Variants in GSS observed in about 807,000 individuals in gnomAD.
The protein encoded by GSS is GSH synthetase.
A neutral mutation model predicts 60.4 loss-of-function variants in GSS; 34 were observed. That is an observed-to-expected ratio of 0.56 (90% confidence interval 0.43 to 0.75). The LOEUF (loss-of-function observed/expected upper bound fraction) is 0.75. GSS is among the 30% of genes least tolerant of loss of function. GSS has a pLI of 0.00. For missense variants in GSS, 499 were observed against 595.1 expected (o/e 0.84, Z 1.68); for synonymous variants, 224 against 239.0 (o/e 0.94, Z 0.58).
rs1713494046 is a variant in GSS, at chr20:34,942,575, T to C, written c.404A>G (p.Asp135Gly). The C allele has an allele frequency of 1.2e-6, 2 of 1,613,962 alleles. No homozygotes were observed. The highest frequency in any genetic ancestry group is 8.5e-7 in the Non-Finnish European group (1 of 1,179,848). The change falls in exon 5 of 13, where the codon GAT becomes GGT. Residue 135 changes from aspartate to glycine, a missense_variant. Coordinates refer to ENST00000651619, the MANE Select transcript of GSS (RefSeq NM_000178.4). Reference sequence around the variant, plus strand: ...GATCTGTTTCAGGGCTGGGGAGCCATCTGCGCTGCGCTGGAACATGTAGTC... The same window carrying C: ...GATCTGTTTCAGGGCTGGGGAGCCACCTGCGCTGCGCTGGAACATGTAGTC... The part of the protein sequence containing the change: ...RSDYMFQRSA[D>G]GSPALKQIEI...
At chr20:34,935,495 T>G (rs546335970) in intron 9 of GSS, 81 bp downstream of exon 9, 71 of 944,384 alleles carry the variant, frequency 7.5e-5, no homozygotes, top group South Asian at 6.2e-4. Flanking sequence ...AAAACCCAGG[T>G]TGTTATAAGC....
At chr20:34,928,996 C>T (rs1462681929) in intron 12 of GSS, 45 bp from the exon 13 acceptor site, 8 of 1,611,864 alleles carry the variant, frequency 5.0e-6, no homozygotes, top group Non-Finnish European at 5.1e-6. Context: ...GGACTCAGCC[C>T]CAAACCCAGG....
chr20:34,931,293 A>T, intron 11 of GSS, 43 bp downstream of exon 11: 2 of 1,438,390 alleles, frequency 1.4e-6, no homozygotes, highest in Non-Finnish European at 2.0e-6. Context: ...ACAGCCTGCT[A>T]GTCCCTCTCA....
intron 4 of GSS, 92 bp downstream of exon 4, chr20:34,942,839 G>C: frequency 1.0e-6 from 1 of 1,001,344 alleles, no homozygotes. Flanking sequence ...CCCATGAGCT[G>C]AGGGCCTGGA....
intron 2 of GSS, among the ~76,000 whole-genome samples, chr20:34,951,116 T>C (rs560191479): frequency 6.6e-6 from 1 of 152,020 alleles, no homozygotes; most frequent in Non-Finnish European, 1.5e-5. Context: ...TAGACATGAG[T>C]AGAGGGAAGC....
At chr20:34,940,034 C>T (rs1419733080) in intron 6 of GSS, among the ~76,000 whole-genome samples, 2 of 152,254 alleles carry the variant, frequency 1.3e-5, no homozygotes, top group African/African-American at 2.4e-5. Flanking sequence ...TTTTCAGATC[C>T]ATGATCTCAT....
chr20:34,951,366 A>C (rs888632719), intron 2 of GSS: 6 of 261,822 alleles, frequency 2.3e-5, no homozygotes, highest in Non-Finnish European at 4.5e-5. Flanking sequence ...GAGAAGGTAG[A>C]GTGATTATGG....
Position 34,946,022 on chromosome 20 carries a change from T to C in GSS, c.206A>G (p.Gln69Arg). The C allele has an allele frequency of 6.2e-7, 1 of 1,614,154 alleles. No homozygotes were observed. The highest frequency in any genetic ancestry group is 8.5e-7 in the Non-Finnish European group (1 of 1,179,978). ...ATCCACTAGCAGGTTGAAGTCCATC[T>C]GCACAGCATAGGCTTGCTCCAGCAG... is the stretch of plus-strand genomic sequence containing the variant. ...SALLEQAYAV[Q>R]MDFNLLVDAV... The change falls in exon 3 of 13, where the codon CAG becomes CGG. Residue 69 changes from glutamine to arginine, a missense_variant. Gln to Arg is a conservative substitution (Grantham distance 43, BLOSUM62 1). Transcript: ENST00000651619.
At chr20:34,950,013 TCACACA>T (rs61286977) in intron 2 of GSS, 2,728 of 124,968 alleles carry the variant, frequency 0.022, 74 homozygotes, top group Non-Finnish European at 0.029. Flanking sequence ...TCTCTCTCTC[TCACACA>T]CACACACACA....
intron 6 of GSS, among the ~76,000 whole-genome samples, chr20:34,941,152 C>T (rs778174349): frequency 2.6e-5 from 4 of 152,018 alleles, no homozygotes; most frequent in African/African-American, 4.8e-5. Context: ...GTCAGGAGTT[C>T]GAGACCAGCA....
intron 2 of GSS, among the ~76,000 whole-genome samples, chr20:34,947,790 A>G (rs1210597282): frequency 6.6e-6 from 1 of 152,040 alleles, no homozygotes; most frequent in Non-Finnish European, 1.5e-5. Flanking sequence ...TCCTATTACC[A>G]TTAATGTTTC....
At chr20:34,930,111 C>G (rs777009291) in intron 11 of GSS, among the ~76,000 whole-genome samples, 1 of 151,936 alleles carries the variant, frequency 6.6e-6, no homozygotes, top group Non-Finnish European at 1.5e-5. Flanking sequence ...ACTAAAAATA[C>G]AAAAATTAGC....
chr20:34,929,756 A>G (rs1287283443), intron 11 of GSS, among the ~76,000 whole-genome samples, 166 bp from the exon 12 acceptor site: 1 of 152,144 alleles, frequency 6.6e-6, no homozygotes, highest in Non-Finnish European at 1.5e-5. Context: ...CTTTGACAGG[A>G]GAGCCCTTAC....
At chr20:34,942,434 C>T (rs1387158789) in intron 5 of GSS, 54 bp downstream of exon 5, 3 of 1,532,604 alleles carry the variant, frequency 2.0e-6, no homozygotes, top group African/African-American at 1.4e-5. Context: ...AGTGACTGTA[C>T]ACCCATCAGC....
intron 2 of GSS, chr20:34,949,806 T>C (rs912616516): frequency 1.3e-5 from 2 of 152,164 alleles, no homozygotes; most frequent in Non-Finnish European, 2.9e-5. Flanking sequence ...AAATGATAGT[T>C]AACTTTGTGT....
intron 1 of GSS, chr20:34,952,237 T>A: frequency 3.0e-6 from 1 of 332,986 alleles, no homozygotes; most frequent in South Asian, 2.6e-5. Flanking sequence ...AAAGAAGCAC[T>A]AATATCAGAT....
chr20:34,945,932 C>G (rs1569015701), intron 3 of GSS, 21 bp downstream of exon 3: 2 of 1,612,144 alleles, frequency 1.2e-6, no homozygotes, highest in Non-Finnish European at 1.7e-6. Flanking sequence ...CCTGGCCCCC[C>G]AATGCTTCAC....
In GSS at chr20:34,937,014, C is replaced by T. The variant is rs749981557; in HGVS notation, c.618G>A (p.Val206=). 6.2e-7 allele frequency: 1 copy of T among 1,613,188 alleles called. No individual in the cohort carries two copies. The highest frequency in any genetic ancestry group is 1.1e-5 in the South Asian group (1 of 91,056). ...WELYGSPNAL[V]LLIAQEKERN... Reference sequence around the variant, plus strand: ...TTTCCTTCTCTTGAGCAATCAGTAGCACCAGAGCACTGGGGAAAGAGCACA... The same window carrying T: ...TTTCCTTCTCTTGAGCAATCAGTAGTACCAGAGCACTGGGGAAAGAGCACA... The change falls in exon 7 of 13, where the codon GTG becomes GTA. Residue 206 remains valine, a synonymous_variant. Coordinates refer to ENST00000651619, the MANE Select transcript of GSS (RefSeq NM_000178.4).
intron 9 of GSS, among the ~76,000 whole-genome samples, chr20:34,934,986 C>T (rs1452125818): frequency 6.6e-6 from 1 of 152,206 alleles, no homozygotes; most frequent in Non-Finnish European, 1.5e-5. Flanking sequence ...TACCATCGGC[C>T]TGAAAGTCAG....
Sources: allele counts gnomAD v4.1 joint callset (sites outside exome capture counted in the v4.1 genomes callset), GRCh38; gene constraint gnomAD v4.1.1; transcripts MANE v1.5; gene names NCBI Gene and HGNC (gene_info 2026-07-23, HGNC 2026-07-21).